The following ZNF385D variants were observed in gnomAD, a reference collection of about 807,000 sequenced individuals.
The protein encoded by ZNF385D is zinc finger protein 659.
ZNF385D carries 15 observed loss-of-function variants against 35.8 expected under a neutral mutation model. That is an observed-to-expected ratio of 0.42 (90% CI 0.28 to 0.64). ZNF385D has a LOEUF of 0.64. Ranked by LOEUF, ZNF385D falls within the 30% of genes least tolerant of loss-of-function variation. ZNF385D has a pLI of 0.23. For missense variants in ZNF385D, 474 were observed against 494.6 expected, an observed-to-expected ratio of 0.96 and a Z score of 0.39; for synonymous variants, 212 against 186.8, an observed-to-expected ratio of 1.13 and a Z score of -1.10.
chr3:22,221,570 T>G (rs1698258711), intron 2 of ZNF385D, among the ~76,000 whole-genome samples: 1 of 152,186 alleles, frequency 6.6e-6, no homozygotes, highest in Non-Finnish European at 1.5e-5. Flanking sequence ...TCATTTCGCT[T>G]TATATCATCG....
intron 3 of ZNF385D, among the ~76,000 whole-genome samples, chr3:21,920,601 G>C (rs1053826353): frequency 7.0e-6 from 1 of 142,892 alleles, no homozygotes; most frequent in African/African-American, 2.6e-5. Context: ...GATAAGAAGA[G>C]GGTTGATGAT....
At chr3:21,454,400 A>G (rs1702651110) in intron 4 of ZNF385D, among the ~76,000 whole-genome samples, 2 of 152,094 alleles carry the variant, frequency 1.3e-5, no homozygotes, top group African/African-American at 4.8e-5. Flanking sequence ...GCAGTGGCCA[A>G]AGTTCCTATG....
chr3:21,767,692 G>C (rs2070891724), intron 3 of ZNF385D, among the ~76,000 whole-genome samples: 1 of 151,926 alleles, frequency 6.6e-6, no homozygotes, highest in Non-Finnish European at 1.5e-5. Context: ...GGGTGGGAGA[G>C]GAAGAGAGGG....
At chr3:21,956,182 G>A (rs1371460033) in intron 3 of ZNF385D, among the ~76,000 whole-genome samples, 2 of 151,522 alleles carry the variant, frequency 1.3e-5, no homozygotes, top group African/African-American at 4.9e-5. Context: ...GTGAGACTAT[G>A]TCTCAGGAAA....
intron 2 of ZNF385D, among the ~76,000 whole-genome samples, chr3:22,256,859 G>A (rs1700343230): frequency 6.6e-6 from 1 of 151,672 alleles, no homozygotes; most frequent in African/African-American, 2.4e-5. Context: ...CAGTGGAGAA[G>A]GATTTAACAC....
intron 6 of ZNF385D, 89 bp from the exon 7 acceptor site, chr3:21,424,153 C>G (rs1163783124): frequency 8.5e-7 from 1 of 1,174,402 alleles, no homozygotes; most frequent in South Asian, 1.6e-5. Flanking sequence ...GAAAGATATT[C>G]ATTATTTCAT....
At chr3:21,942,505 T>G (rs1281353692) in intron 3 of ZNF385D, 1 of 152,218 alleles carries the variant, frequency 6.6e-6, no homozygotes, top group Non-Finnish European at 1.5e-5. Context: ...ATCTAAGCGC[T>G]GCAGAAACAG....
chr3:21,642,652 A>G (rs1466736375), intron 2 of ZNF385D, among the ~76,000 whole-genome samples: 1 of 152,174 alleles, frequency 6.6e-6, no homozygotes, highest in Non-Finnish European at 1.5e-5. Flanking sequence ...TTGCACACAA[A>G]TGTTTATAAA....
At chr3:21,900,332 G>T (rs1341109541) in intron 3 of ZNF385D, among the ~76,000 whole-genome samples, 2 of 151,992 alleles carry the variant, frequency 1.3e-5, no homozygotes, top group Non-Finnish European at 1.5e-5. Context: ...AAATCAAATG[G>T]AAAATAAAAT....
chr3:22,084,795 A>T (rs891855902), intron 3 of ZNF385D, among the ~76,000 whole-genome samples: 1 of 152,216 alleles, frequency 6.6e-6, no homozygotes, highest in Admixed American at 6.5e-5. Flanking sequence ...ACCACATCAC[A>T]GTTATTCCAA....
rs1702607617 is a variant in ZNF385D, at chr3:22,112,844, GGAAA to G, written c.325+55969_325+55972del. On this transcript the variant is annotated intron_variant, in intron 3 of 5. Transcript: ENST00000494108. ...TGAACTGTCACCCTTCCTATGGGGGGGAAAAAAAACAGAAGCAATTTTCTACCCA... is the reference window on the plus strand; with the variant it reads ...TGAACTGTCACCCTTCCTATGGGGGGAAAAACAGAAGCAATTTTCTACCCA... 2.0e-5 allele frequency among the ~76,000 whole-genome samples: 3 copies of G among 147,990 alleles called. No individual in the cohort carries two copies. In the South Asian group the frequency reaches 6.4e-4, roughly 31 times the overall value.
intron 2 of ZNF385D, among the ~76,000 whole-genome samples, chr3:21,569,322 T>TTCTTTGTC: frequency 7.0e-6 from 1 of 143,442 alleles, no homozygotes; most frequent in East Asian, 2.0e-4. Context: ...TGTAATGGCC[T>TTCTTTGTC]TCTTTGTCTC....
chr3:21,979,097 AT>A (rs919892180), intron 3 of ZNF385D, among the ~76,000 whole-genome samples: 2 of 151,880 alleles, frequency 1.3e-5, no homozygotes, highest in African/African-American at 2.4e-5. Context: ...GTACATGCCA[AT>A]TTTTTTTCAA....
intron 3 of ZNF385D, among the ~76,000 whole-genome samples, chr3:21,907,137 C>A (rs1347981586): frequency 6.6e-6 from 1 of 152,164 alleles, no homozygotes; most frequent in African/African-American, 2.4e-5. Context: ...CTTCAATAGG[C>A]AGTCGGGCAA....
chr3:21,805,138 T>A (rs945379999), intron 3 of ZNF385D, among the ~76,000 whole-genome samples: 1 of 152,214 alleles, frequency 6.6e-6, no homozygotes, highest in Non-Finnish European at 1.5e-5. Flanking sequence ...CTCCTCCCAT[T>A]TGTATGAATG....
chr3:22,223,625 G>A (rs1242910657), intron 2 of ZNF385D, among the ~76,000 whole-genome samples: 1 of 151,986 alleles, frequency 6.6e-6, no homozygotes, highest in East Asian at 1.9e-4. Flanking sequence ...TTAATTAAAA[G>A]CATACTATGC....
At chr3:22,014,699 G>C (rs201850982) in intron 3 of ZNF385D, among the ~76,000 whole-genome samples, 2 of 136,980 alleles carry the variant, frequency 1.5e-5, no homozygotes, top group African/African-American at 5.7e-5. Flanking sequence ...GAAAAATAAA[G>C]ACTTGATATA....
chr3:22,340,537 T>C (rs1490499176), intron 2 of ZNF385D, among the ~76,000 whole-genome samples: 1 of 152,096 alleles, frequency 6.6e-6, no homozygotes, highest in African/African-American at 2.4e-5. Context: ...TCCTAGCTAC[T>C]TGGGAAGCCG....
chr3:22,121,270 T>C (rs1036172219), intron 3 of ZNF385D, among the ~76,000 whole-genome samples: 3 of 152,164 alleles, frequency 2.0e-5, no homozygotes, highest in East Asian at 1.9e-4. Context: ...AATAGATCAA[T>C]AGTCCTCCTG....
Sources: gnomAD v4.1 joint callset for allele counts (sites outside exome capture counted in the v4.1 genomes callset) on GRCh38, gnomAD v4.1.1 for gene constraint, MANE v1.5 for transcripts, NCBI Gene and HGNC (gene_info 2026-07-23, HGNC 2026-07-21) for gene names.